Variants in SREBF1 observed in about 807,000 individuals in gnomAD.
SREBF1 encodes sterol regulatory element binding transcription factor 1, also known as sterol regulatory element-binding protein 1.
A neutral mutation model predicts 100.1 loss-of-function variants in SREBF1; 45 were observed. The observed-to-expected ratio is 0.45, with a 90% CI of 0.35 to 0.58. SREBF1 has a LOEUF of 0.58. SREBF1 is among the 20% of genes least tolerant of loss of function. SREBF1 has a pLI of 0.00. For missense variants in SREBF1, 1,324 were observed against 1,539.4 expected (o/e 0.86, Z 2.34); for synonymous variants, 657 against 681.8 (o/e 0.96, Z 0.57).
In SREBF1 at chr17:17,824,875, C is replaced by T. The variant is rs1023292410; in HGVS notation, c.92-4354G>A. ...TCTCGCAACCTGTCCTCGCCACCGC[C>T]GTCCAGCCCAGGCCCTTATTTCCCA... On this transcript the variant is annotated intron_variant, in intron 1 of 18. Transcript: ENST00000261646. This position sits in a 1 kb window ranked among gnomAD's most constrained non-coding sequence, Gnocchi z 4.2. 1.3e-5 allele frequency among the ~76,000 whole-genome samples: 2 copies of T among 152,186 alleles called. No homozygotes were observed. Among genetic ancestry groups the T allele is most frequent in the African/African-American group, 4.8e-5 (2 of 41,448 alleles).
rs2033044213 is a variant in SREBF1 at position 17,812,816 on chromosome 17, G to A, written c.3250C>T (p.Arg1084Trp). The change falls in exon 19 of 19, where the codon CGG becomes TGG. Residue 1084 changes from arginine (R) to tryptophan (W), a missense_variant. Physicochemically the swap from Arg to Trp is moderately radical, Grantham distance 101 (BLOSUM62 -3). Transcript: ENST00000261646. Reference sequence around the variant, plus strand: ...AGCAGCAAGGCCTCCGCGTGCTCCCGCCGCGTGGGCCGCGGCTCCAGCTCC... The same window carrying A: ...AGCAGCAAGGCCTCCGCGTGCTCCCACCGCGTGGGCCGCGGCTCCAGCTCC... ...VAELEPRPTR[R>W]EHAEALLLAS... 2 of 1,479,998 alleles carry A rather than the reference G, an allele frequency of 1.4e-6. No individual in the cohort carries two copies. The highest frequency in any genetic ancestry group is 1.4e-5 in the African/African-American group (1 of 70,224). The allele number at this position is 1,479,998 out of a possible 1,614,324, so 91.7% of individuals were successfully genotyped here. A position where few individuals can be genotyped will look rare whatever the true frequency, so the allele number is the denominator to read the frequency against.
chr17:17,813,340 C>T, intron 18 of SREBF1, 28 bp downstream of exon 18: 1 of 1,562,320 alleles, frequency 6.4e-7, no homozygotes, highest in East Asian at 2.4e-5. Context: ...GCAGACAGCA[C>T]ATCCCTGGTC....
chr17:17,813,185 C>T (rs1441738204), intron 18 of SREBF1, 183 bp downstream of exon 18: 2 of 672,824 alleles, frequency 3.0e-6, no homozygotes, highest in African/African-American at 1.8e-5. Flanking sequence ...CTCACTGCGG[C>T]CTCCAACTCC....
intron 1 of SREBF1, among the ~76,000 whole-genome samples, chr17:17,825,818 G>A (rs1002207321): frequency 2.0e-5 from 3 of 152,068 alleles, no homozygotes; most frequent in Admixed American, 6.5e-5. Flanking sequence ...GTTTCACCAC[G>A]TTGGCCAGGC....
intron 1 of SREBF1, chr17:17,820,826 G>C (rs1259885649): frequency 2.2e-6 from 1 of 460,254 alleles, no homozygotes; most frequent in African/African-American, 2.0e-5. Flanking sequence ...CTGAGCCCAG[G>C]GTCGGGCCCA....
At position 17,819,319 on chromosome 17, in the gene SREBF1, C is replaced by T; in HGVS notation, c.846+1G>A. The T allele has an allele frequency of 6.2e-7, 1 of 1,613,794 alleles. No individual in the cohort carries two copies. The highest frequency in any genetic ancestry group is 1.1e-5 in the South Asian group (1 of 91,082). On this transcript the variant is annotated splice_donor_variant, in intron 4 of 18. Transcript: ENST00000261646. LOFTEE classifies it high-confidence loss of function. ...CCTTATGCCCTGCCCACGTCACCCACCGGCAAAGGCCCTGTCTGCACAGTG... is the reference window on the plus strand; with the variant it reads ...CCTTATGCCCTGCCCACGTCACCCATCGGCAAAGGCCCTGTCTGCACAGTG...
chr17:17,818,009 G>T, intron 6 of SREBF1, 93 bp from the exon 7 acceptor site: 1 of 1,321,550 alleles, frequency 7.6e-7, no homozygotes, highest in Non-Finnish European at 1.1e-6. Context: ...GACTACTGTA[G>T]CTCCTAAAGC....
intron 1 of SREBF1, among the ~76,000 whole-genome samples, chr17:17,828,908 C>G (rs1213212003): frequency 6.6e-6 from 1 of 151,380 alleles, no homozygotes; most frequent in Non-Finnish European, 1.5e-5. Flanking sequence ...AGCAAGACCC[C>G]GTCTCTAAAA....
chr17:17,829,415 A>T (rs2034721170), intron 1 of SREBF1, among the ~76,000 whole-genome samples: 1 of 151,368 alleles, frequency 6.6e-6, no homozygotes, highest in South Asian at 2.1e-4. Flanking sequence ...CTTCCCTACA[A>T]CGTATTCCCT....
Position 17,817,536 on chromosome 17 carries a change from G to C in SREBF1, c.1405-79C>G, listed in dbSNP as rs1166461631. 9.8e-6 allele frequency: 15 copies of C among 1,534,608 alleles called. No homozygotes were observed. Among genetic ancestry groups the C allele is most frequent in the Non-Finnish European group, 1.3e-5 (15 of 1,131,126 alleles). ...ATGGGGCTGGGAAGGGGGGGGTCAG[G>C]ATTCTGCCCACCTTACTGTGGGACC... On this transcript the variant is annotated intron_variant, in intron 7 of 18. Transcript: ENST00000261646. The surrounding 1 kb of genome is among the most constrained non-coding windows in gnomAD (Gnocchi z 6.6).
At chr17:17,834,249 C>T (rs952952190) in intron 1 of SREBF1, among the ~76,000 whole-genome samples, 2 of 152,128 alleles carry the variant, frequency 1.3e-5, no homozygotes, top group Non-Finnish European at 2.9e-5. Context: ...ATGTCACCCA[C>T]ACCCAGCTAA....
At position 17,820,206 on chromosome 17, in the gene SREBF1, G is replaced by A. The variant is rs2033991700; in HGVS notation, c.407C>T (p.Thr136Ile). 1 of 1,613,550 alleles carries A rather than the reference G, an allele frequency of 6.2e-7. No homozygotes were observed. The highest frequency in any genetic ancestry group is 1.1e-5 in the South Asian group (1 of 91,086). ...GAGGGCCCCTGGCAGGGGCTGTGGG[G>A]TGGGGGTCTGCAGGATGCTCAGTGG... ...SVPLSILQTPTPQPLPGALLP... is the reference protein window; with the variant it reads ...SVPLSILQTPIPQPLPGALLP... The change falls in exon 2 of 19, where the codon ACC (threonine) becomes ATC (isoleucine). Residue 136 changes from threonine (T) to isoleucine (I), a missense_variant. By Grantham distance (89) the Thr-to-Ile change is moderately conservative (BLOSUM62 -1). Coordinates refer to ENST00000261646, the MANE Select transcript of SREBF1 (RefSeq NM_004176.5).
At chr17:17,832,285 T>C (rs1433145274) in intron 1 of SREBF1, among the ~76,000 whole-genome samples, 2 of 152,212 alleles carry the variant, frequency 1.3e-5, no homozygotes, top group African/African-American at 4.8e-5. Flanking sequence ...CAACACACTG[T>C]CTGAAACACA....
chr17:17,834,025 CACAG>C (rs1019312664), intron 1 of SREBF1, among the ~76,000 whole-genome samples: 91 of 147,614 alleles, frequency 6.2e-4, no homozygotes, highest in Middle Eastern at 6.9e-3. Context: ...CATATAAACA[CACAG>C]AGAGAGAGAG....
chr17:17,836,323 C>T (rs1431879328), intron 1 of SREBF1, among the ~76,000 whole-genome samples: 3 of 152,278 alleles, frequency 2.0e-5, no homozygotes, highest in African/African-American at 7.2e-5. Context: ...GAGGGAATGA[C>T]CGTGAGTAAC....
chr17:17,828,056 C>T (rs1291313938), intron 1 of SREBF1, among the ~76,000 whole-genome samples: 1 of 152,210 alleles, frequency 6.6e-6, no homozygotes, highest in East Asian at 1.9e-4. Context: ...GTGACCCCAG[C>T]CTCACCCAGC....
rs117867371 is a variant in SREBF1, at chr17:17,835,589, C to T, written c.91+1138G>A. Among the ~76,000 whole-genome samples, 15 of 152,350 alleles carry T rather than the reference C, an allele frequency of 9.8e-5. No individual in the cohort carries two copies. The East Asian group carries it at 2.9e-3, about 29-fold the overall frequency. On this transcript the variant is annotated intron_variant, in intron 1 of 18. Transcript: ENST00000261646. The stretch of plus-strand genomic sequence containing the variant: ...TGTGAGTCTAGGCATCTTGTTCCTG[C>T]GACCTTGGCCTCAGTTTCCTCATCA...
At chr17:17,816,412 A>G (rs1598116432) in intron 10 of SREBF1, 39 bp from the exon 11 acceptor site, 2 of 1,599,768 alleles carry the variant, frequency 1.3e-6, no homozygotes, top group African/African-American at 2.7e-5. Flanking sequence ...GGTGGAGCAC[A>G]GGCAGCAGGG....
chr17:17,830,598 T>C (rs1438371846), intron 1 of SREBF1, among the ~76,000 whole-genome samples: 1 of 152,228 alleles, frequency 6.6e-6, no homozygotes, highest in Non-Finnish European at 1.5e-5. Flanking sequence ...AGGCAAGGCC[T>C]GCTGGGAGAC....
Sources: gnomAD v4.1 joint callset for allele counts (sites outside exome capture counted in the v4.1 genomes callset) on GRCh38, gnomAD v4.1.1 for gene constraint, Gnocchi (gnomAD v3.1) non-coding constraint, MANE v1.5 for transcripts, NCBI Gene and HGNC (gene_info 2026-07-23, HGNC 2026-07-21) for gene names.